The following NAALAD2 variants were observed in gnomAD, a reference collection of about 807,000 sequenced individuals.
NAALAD2 encodes the protein N-acetylated alpha-linked acidic dipeptidase 2, also known as N-acetylated-alpha-linked acidic dipeptidase 2.
In NAALAD2, 89 loss-of-function variants were observed where a neutral mutation model predicts 95.6. The ratio of observed to expected loss-of-function variants is 0.93; its 90% CI spans 0.78 to 1.11. The LOEUF (loss-of-function observed/expected upper bound fraction) is 1.11, where lower values mean the gene tolerates loss of function less well. Ranked by LOEUF, NAALAD2 falls within the 50% of genes least tolerant of loss-of-function variation. The probability of loss-of-function intolerance (pLI) is 0.00; values close to 1 mark genes in which losing one functional copy is unlikely to be tolerated. For missense variants in NAALAD2, 894 were observed against 872.4 expected, an observed-to-expected ratio of 1.02 and a Z score of -0.31; for synonymous variants, 264 against 294.4, an observed-to-expected ratio of 0.90 and a Z score of 1.06.
In NAALAD2 at chr11:90,177,968, G is replaced by A. The variant is rs150474449; in HGVS notation, c.1709G>A (p.Arg570Gln). Residue 570 changes from arginine (R) to glutamine (Q), a missense_variant, in exon 16 of 19, where the codon CGA becomes CAA. Arg to Gln is a conservative substitution (Grantham distance 43, BLOSUM62 1). Transcript: ENST00000534061. ...AAACAACTTTCTGTGGCTCAATTAC[G>A]AGGAGCACTGGTATATGAGCTTGTG... Reference protein sequence around the residue: ...FKKQLSVAQLRGALVYELVDS... With the variant: ...FKKQLSVAQLQGALVYELVDS... The A allele has an allele frequency of 8.1e-6, 13 of 1,613,756 alleles. No individual in the cohort carries two copies. The highest frequency in any genetic ancestry group is 6.6e-5 in the South Asian group (6 of 91,056).
rs1180333996 is a variant in NAALAD2, at chr11:90,152,460, C to G, written c.772C>G (p.Leu258Val). Reference sequence around the variant, plus strand: ...AAATTTGAATGGTGCTGGTGACCCACTCACTCCAGGCTATCCAGCAAAAGG... The same window carrying G: ...AAATTTGAATGGTGCTGGTGACCCAGTCACTCCAGGCTATCCAGCAAAAGG... Reference protein sequence around the residue: ...VLNLNGAGDPLTPGYPAKEYT... With the variant: ...VLNLNGAGDPVTPGYPAKEYT... Residue 258 changes from leucine (L) to valine (V), a missense_variant, in exon 6 of 19, where the codon CTC becomes GTC. Transcript: ENST00000534061. 1.9e-6 allele frequency: 3 copies of G among 1,612,916 alleles called. No homozygotes were observed. The Admixed American group carries it at 5.0e-5, about 27-fold the overall frequency.
chr11:90,155,595 T>C (rs1230883169), intron 6 of NAALAD2, among the ~76,000 whole-genome samples: 1 of 35,042 alleles, frequency 2.9e-5, no homozygotes, highest in Admixed American at 4.5e-4. Context: ...AATATATATG[T>C]AATAATATAT....
chr11:90,192,034 T>C lies in NAALAD2; in HGVS notation c.*287T>C. On this transcript the variant is annotated 3_prime_UTR_variant, in exon 19 of 19. Transcript: ENST00000534061. ...AACATGAATTCTCAGACATTGTGAG[T>C]GTGGGAATGTAAAATGGTAAAATCA... 5.1e-6 allele frequency: 1 copy of C among 194,492 alleles called. No homozygotes were observed. Among genetic ancestry groups the C allele is most frequent in the Admixed American group, 6.0e-5 (1 of 16,630 alleles). The allele number at this position is 194,492 out of a possible 1,614,324, so 12.0% of individuals were successfully genotyped here. A position where few individuals can be genotyped will look rare whatever the true frequency, so the allele number is the denominator to read the frequency against.
chr11:90,167,986 C>T (rs1020997916), intron 11 of NAALAD2, among the ~76,000 whole-genome samples: 1 of 152,142 alleles, frequency 6.6e-6, no homozygotes, highest in Non-Finnish European at 1.5e-5. Flanking sequence ...TCTCCTTCCA[C>T]GTTGTGAAAG....
chr11:90,160,756 G>C (rs1050005222), intron 8 of NAALAD2, among the ~76,000 whole-genome samples: 17 of 152,126 alleles, frequency 1.1e-4, no homozygotes, highest in African/African-American at 3.6e-4. Flanking sequence ...TAGTCACAAA[G>C]AGTAAACTCA....
chr11:90,160,873 A>C (rs1249714540), intron 8 of NAALAD2, among the ~76,000 whole-genome samples: 3 of 152,214 alleles, frequency 2.0e-5, no homozygotes, highest in African/African-American at 7.2e-5. Context: ...AAACAACAAC[A>C]AAACTAAAAA....
In NAALAD2 at chr11:90,159,413, C is replaced by T. The variant is rs181356135; in HGVS notation, c.989+76C>T. On this transcript the variant is annotated intron_variant, in intron 8 of 18. Coordinates refer to ENST00000534061, the MANE Select transcript of NAALAD2 (RefSeq NM_005467.4). ...AAACATGTCAAGATAACTGTTCTGCCAGGGGTATTTTGCTTATCTCTTTTT... is the reference window on the plus strand; with the variant it reads ...AAACATGTCAAGATAACTGTTCTGCTAGGGGTATTTTGCTTATCTCTTTTT... The T allele has an allele frequency of 3.9e-4, 420 of 1,077,972 alleles. 2 individuals carry two copies. The African/African-American group carries it at 6.1e-3, about 16-fold the overall frequency. 66.8% of individuals were successfully genotyped at this position (1,077,972 alleles called of 1,614,324 possible). A position where few individuals can be genotyped will look rare whatever the true frequency, so the allele number is the denominator to read the frequency against.
At chr11:90,177,122 A>C (rs1260414107) in intron 15 of NAALAD2, among the ~76,000 whole-genome samples, 1 of 152,196 alleles carries the variant, frequency 6.6e-6, no homozygotes, top group African/African-American at 2.4e-5. Flanking sequence ...TAAAAACTAA[A>C]ATTAGAAAAG....
At chr11:90,170,236 A>G in intron 13 of NAALAD2, 100 bp downstream of exon 13, 1 of 796,346 alleles carries the variant, frequency 1.3e-6, no homozygotes, top group East Asian at 2.5e-5. Flanking sequence ...TAAGCTGGTG[A>G]GAGAACATAA....
At chr11:90,153,320 C>T (rs1287775116) in intron 6 of NAALAD2, among the ~76,000 whole-genome samples, 2 of 152,058 alleles carry the variant, frequency 1.3e-5, no homozygotes, top group Non-Finnish European at 2.9e-5. Flanking sequence ...AGTGAAATGC[C>T]TGAATATTAT....
chr11:90,168,946 C>A lies in NAALAD2; in HGVS notation c.1296C>A (p.Leu432=). The change falls in exon 12 of 19, where the codon CTC becomes CTA. Residue 432 remains leucine (L), a synonymous_variant. Coordinates refer to ENST00000534061, the MANE Select transcript of NAALAD2 (RefSeq NM_005467.4). The part of the protein sequence containing the change: ...TEWAEENVKI[L]QERSIAYINS... ...AACTACAGGAGAATGTCAAAATACT[C>A]CAGGAGAGAAGCATTGCTTATATCA... 6.2e-7 allele frequency: 1 copy of A among 1,607,986 alleles called. No individual in the cohort carries two copies. Among genetic ancestry groups the A allele is most frequent in the Non-Finnish European group, 8.5e-7 (1 of 1,177,524 alleles).
intron 16 of NAALAD2, among the ~76,000 whole-genome samples, chr11:90,179,114 A>C (rs1310707719): frequency 1.3e-5 from 2 of 152,228 alleles, no homozygotes; most frequent in Non-Finnish European, 2.9e-5. Context: ...ATCATTGTGG[A>C]GATTCAGTTT....
chr11:90,146,877 G>C (rs1951761973), intron 2 of NAALAD2, among the ~76,000 whole-genome samples: 1 of 152,052 alleles, frequency 6.6e-6, no homozygotes, highest in Admixed American at 6.5e-5. Flanking sequence ...TGAGATCAAT[G>C]AGATAAATAA....
rs141492320 is a variant in NAALAD2 at position 90,184,723 on chromosome 11, T to C, written c.2033+1715T>C. 6.0e-3 allele frequency among the ~76,000 whole-genome samples: 910 copies of C among 152,238 alleles called. 12 individuals are homozygous for C. Among genetic ancestry groups the C allele is most frequent in the Non-Finnish European group, 6.3e-3 (426 of 68,000 alleles). ...CTTGCCCCCTACACCCAGTTCTTTATTCTCTTCAGTGAAACTCAATGTTGA... is the reference window on the plus strand; with the variant it reads ...CTTGCCCCCTACACCCAGTTCTTTACTCTCTTCAGTGAAACTCAATGTTGA... On this transcript the variant is annotated intron_variant, in intron 18 of 18. Coordinates refer to ENST00000534061, the MANE Select transcript of NAALAD2 (RefSeq NM_005467.4).
intron 11 of NAALAD2, among the ~76,000 whole-genome samples, chr11:90,166,244 CCTCTCTGT>C (rs1306891352): frequency 6.8e-6 from 1 of 148,120 alleles, no homozygotes; most frequent in Non-Finnish European, 1.5e-5. Context: ...TCAGCATGTT[CCTCTCTGT>C]CTGTGTGTTA....
chr11:90,181,733 A>ATCTT lies in NAALAD2; in HGVS notation c.1940+32_1940+33insTCTT, dbSNP rs773225772. ...TTCAAATCCCTTTTTTTTTAAAAAA[A>ATCTT]AAAAAAAAAGCAATCTGGTTACTAG... is the stretch of plus-strand genomic sequence containing the variant. On this transcript the variant is annotated intron_variant, in intron 17 of 18. Coordinates refer to ENST00000534061, the MANE Select transcript of NAALAD2 (RefSeq NM_005467.4). 1.6e-5 allele frequency: 20 copies of ATCTT among 1,286,400 alleles called. No individual in the cohort carries two copies. The African/African-American group carries it at 3.2e-4, about 21-fold the overall frequency. The allele number at this position is 1,286,400 out of a possible 1,614,324, so 79.7% of individuals were successfully genotyped here.
At chr11:90,175,052 A>T (rs1257117475) in intron 14 of NAALAD2, among the ~76,000 whole-genome samples, 1 of 152,154 alleles carries the variant, frequency 6.6e-6, no homozygotes, top group Non-Finnish European at 1.5e-5. Flanking sequence ...AAGATATCTC[A>T]CTGCATATAT....
chr11:90,170,249 G>A, intron 13 of NAALAD2, 113 bp downstream of exon 13: 2 of 720,626 alleles, frequency 2.8e-6, no homozygotes, highest in Non-Finnish European at 4.9e-6. Flanking sequence ...GAACATAATA[G>A]AATCATATAA....
At chr11:90,180,413 G>T (rs1367022703) in intron 16 of NAALAD2, among the ~76,000 whole-genome samples, 2 of 151,926 alleles carry the variant, frequency 1.3e-5, no homozygotes, top group Non-Finnish European at 2.9e-5. Context: ...TAAAATCTAG[G>T]ACTAAAATCT....
Sources: gnomAD v4.1 joint callset for allele counts (sites outside exome capture counted in the v4.1 genomes callset) on GRCh38, gnomAD v4.1.1 for gene constraint, MANE v1.5 for transcripts, NCBI Gene and HGNC (gene_info 2026-07-23, HGNC 2026-07-21) for gene names.